SARDH: variants seen among roughly 807,000 people sequenced by gnomAD.
The protein encoded by SARDH is sarcosine dehydrogenase, mitochondrial.
SARDH carries 95 observed loss-of-function variants against 109.1 expected under a neutral mutation model. The observed-to-expected ratio is 0.87, with a 90% CI of 0.74 to 1.03. The LOEUF (loss-of-function observed/expected upper bound fraction) is 1.03. SARDH is among the 50% of genes least tolerant of loss of function. SARDH has a pLI of 0.00. For synonymous variants in SARDH, 572 were observed against 534.8 expected (o/e 1.07, Z -0.96); for missense variants, 1,267 against 1,287.8 (o/e 0.98, Z 0.25).
At chr9:133,696,469 C>T (rs567876167) in intron 13 of SARDH, 108 bp from the exon 14 acceptor site, 49 of 1,391,248 alleles carry the variant, frequency 3.5e-5, no homozygotes, top group Non-Finnish European at 4.9e-5. Flanking sequence ...TACTGAGCCT[C>T]CCCTCCCTCT....
rs528161355 is a variant in SARDH at position 133,693,113 on chromosome 9, C to T, written c.1921+1145G>A. Reference sequence around the variant, plus strand: ...CCGGTCTTCATTTTTCCTCTTGACCCATCTAACATCCTACACCTTCCACTT... The same window carrying T: ...CCGGTCTTCATTTTTCCTCTTGACCTATCTAACATCCTACACCTTCCACTT... On this transcript the variant is annotated intron_variant, in intron 15 of 20. Coordinates refer to ENST00000439388, the MANE Select transcript of SARDH (RefSeq NM_001134707.2). The surrounding 1 kb of genome is among the most constrained non-coding windows in gnomAD (Gnocchi z 5.6). Among the ~76,000 whole-genome samples the T allele has an allele frequency of 2.0e-5, 3 of 152,060 alleles. No homozygotes were observed. In the East Asian group the frequency reaches 5.8e-4, roughly 29 times the overall value.
chr9:133,681,261 C>T (rs912739372), intron 17 of SARDH, among the ~76,000 whole-genome samples: 10 of 152,188 alleles, frequency 6.6e-5, no homozygotes, highest in Admixed American at 4.6e-4. Flanking sequence ...GCTCCCGGCT[C>T]GTCCACAGGC....
rs143746373 is a variant in SARDH, at chr9:133,709,582, C to T, written c.1329-1154G>A. On this transcript the variant is annotated intron_variant, in intron 10 of 20. Transcript: ENST00000439388. This position sits in a 1 kb window ranked among gnomAD's most constrained non-coding sequence, Gnocchi z 4.2. ...TGTCAGGGCTGATTCTTAGTCTGCA[C>T]GTAATTCTAGCAAGCAGAATTTTCT... is the stretch of plus-strand genomic sequence containing the variant. Among the ~76,000 whole-genome samples, 113 of 152,220 alleles carry T rather than the reference C, an allele frequency of 7.4e-4. No individual in the cohort carries two copies. The highest frequency in any genetic ancestry group is 1.3e-3 in the African/African-American group (53 of 41,538).
intron 6 of SARDH, among the ~76,000 whole-genome samples, chr9:133,724,855 G>T (rs1832435774): frequency 6.6e-6 from 1 of 152,048 alleles, no homozygotes; most frequent in South Asian, 2.1e-4. Context: ...GTTGGATTTT[G>T]GAGCATTTTG....
At position 133,702,583 on chromosome 9, in the gene SARDH, G is replaced by A. The variant is rs565720445; in HGVS notation, c.1668+333C>T. Among the ~76,000 whole-genome samples, 7 of 152,288 alleles carry A rather than the reference G, an allele frequency of 4.6e-5. No individual in the cohort carries two copies. The East Asian group carries it at 1.2e-3, about 25-fold the overall frequency. ...CACCACGTCTCATGCCAGCCTCGGCGCAGCTCCGGAGAGCGGGAGGCGGAG... is the reference window on the plus strand; with the variant it reads ...CACCACGTCTCATGCCAGCCTCGGCACAGCTCCGGAGAGCGGGAGGCGGAG... On this transcript the variant is annotated intron_variant, in intron 13 of 20. Transcript: ENST00000439388.
Position 133,667,858 on chromosome 9 carries a change from G to A in SARDH, c.2496-988C>T, listed in dbSNP as rs1014442333. ...ACCCTAGTTTCTGTTCTCCACGTGA[G>A]GACGCTGAGGCCCCAACTGCCCGGA... On this transcript the variant is annotated intron_variant, in intron 19 of 20. Transcript: ENST00000439388. 2.6e-5 allele frequency among the ~76,000 whole-genome samples: 4 copies of A among 152,134 alleles called. 1 individual carries two copies. The highest frequency in any genetic ancestry group is 1.5e-5 in the Non-Finnish European group (1 of 68,028).
intron 1 of SARDH, among the ~76,000 whole-genome samples, 177 bp from the exon 2 acceptor site, chr9:133,734,380 C>T (rs1002095436): frequency 1.3e-5 from 2 of 149,514 alleles, no homozygotes; most frequent in African/African-American, 5.1e-5. Flanking sequence ...CATTCATTCA[C>T]TCATTCATTC....
chr9:133,700,555 G>T (rs910791720), intron 13 of SARDH, among the ~76,000 whole-genome samples: 1 of 152,070 alleles, frequency 6.6e-6, no homozygotes, highest in African/African-American at 2.4e-5. Context: ...GATAGGGTGA[G>T]GTGTGGGGTA....
At chr9:133,698,376 A>G (rs1480671059) in intron 13 of SARDH, among the ~76,000 whole-genome samples, 3 of 152,222 alleles carry the variant, frequency 2.0e-5, no homozygotes, top group Non-Finnish European at 4.4e-5. Flanking sequence ...CACAGTCCCT[A>G]TCAAAATTCT....
chr9:133,685,552 T>G (rs1442731127), intron 16 of SARDH, among the ~76,000 whole-genome samples: 5 of 152,234 alleles, frequency 3.3e-5, no homozygotes, highest in Middle Eastern at 3.4e-3. Context: ...GACTCGCGAT[T>G]CTTAGATGGG....
chr9:133,682,410 T>C (rs1304825432), intron 17 of SARDH, among the ~76,000 whole-genome samples: 1 of 152,198 alleles, frequency 6.6e-6, no homozygotes, highest in Non-Finnish European at 1.5e-5. Context: ...CTGTCAACCC[T>C]GGTTTCTCTG....
upstream of SARDH, among the ~76,000 whole-genome samples, chr9:133,739,124 G>A (rs903025821): frequency 6.6e-6 from 1 of 152,184 alleles, no homozygotes; most frequent in African/African-American, 2.4e-5. Context: ...CAGAGGAGGG[G>A]TGTGGAGGAA....
chr9:133,661,595 C>T (rs1832416063), downstream of SARDH, among the ~76,000 whole-genome samples: 1 of 152,068 alleles, frequency 6.6e-6, no homozygotes, highest in Non-Finnish European at 1.5e-5. Flanking sequence ...AATTCTCCCA[C>T]CTCAGCCTCC....
At chr9:133,669,383 C>T (rs1317069751) in intron 19 of SARDH, among the ~76,000 whole-genome samples, 2 of 142,538 alleles carry the variant, frequency 1.4e-5, no homozygotes, top group Non-Finnish European at 3.0e-5. Flanking sequence ...TTGAAGGCTC[C>T]AGAAATCTGG....
chr9:133,672,758 G>A (rs1479734593), intron 17 of SARDH, among the ~76,000 whole-genome samples: 1 of 152,252 alleles, frequency 6.6e-6, no homozygotes, highest in Non-Finnish European at 1.5e-5. Context: ...CGGAAAGCAA[G>A]ACCCCTGCCT....
intron 14 of SARDH, among the ~76,000 whole-genome samples, chr9:133,694,905 G>A (rs188650212): frequency 2.6e-5 from 4 of 152,266 alleles, no homozygotes; most frequent in Admixed American, 1.3e-4. Context: ...CTGGTGGATG[G>A]GTGGATGCAA....
rs564230320 is a variant in SARDH, at chr9:133,712,556, G to A, written c.1328+63C>T. ...GGCTCCTTTCTCAGTAGCCCTCGCT[G>A]TTTACCCCACGCCACCTGTCCTGAG... On this transcript the variant is annotated intron_variant, in intron 10 of 20. Transcript: ENST00000439388. The surrounding 1 kb of genome is among the most constrained non-coding windows in gnomAD (Gnocchi z 4.1). The A allele has an allele frequency of 3.4e-4, 501 of 1,456,920 alleles. 2 individuals carry two copies. In the African/African-American group the frequency reaches 5.4e-3, roughly 16 times the overall value. 90.2% of individuals were successfully genotyped at this position (1,456,920 alleles called of 1,614,324 possible). A position where few individuals can be genotyped will look rare whatever the true frequency, so the allele number is the denominator to read the frequency against.
chr9:133,663,991 G>T lies in SARDH; in HGVS notation c.2655C>A (p.Ser885Arg). Residue 885 changes from serine to arginine, a missense_variant, in exon 21 of 21, where the codon AGC (serine) becomes AGA (arginine). Physicochemically the swap from Ser to Arg is moderately radical, Grantham distance 110 (BLOSUM62 -1). Coordinates refer to ENST00000439388, the MANE Select transcript of SARDH (RefSeq NM_001134707.2). ...CCATTCTCTCCAGGGCATAGTCCCCGCTCTTCACAAAGTCCAGCGAGACCT... is the reference window on the plus strand; with the variant it reads ...CCATTCTCTCCAGGGCATAGTCCCCTCTCTTCACAAAGTCCAGCGAGACCT... Reference protein sequence around the residue: ...GGPVSLDFVKSGDYALERMGV... With the variant: ...GGPVSLDFVKRGDYALERMGV... The T allele has an allele frequency of 6.2e-7, 1 of 1,614,144 alleles. No individual in the cohort carries two copies. The highest frequency in any genetic ancestry group is 8.5e-7 in the Non-Finnish European group (1 of 1,180,020).
chr9:133,692,718 C>G lies in SARDH; in HGVS notation c.1921+1540G>C, dbSNP rs1222237514. Among the ~76,000 whole-genome samples, 2 of 152,190 alleles carry G rather than the reference C, an allele frequency of 1.3e-5. No homozygotes were observed. Among genetic ancestry groups the G allele is most frequent in the Non-Finnish European group, 2.9e-5 (2 of 68,034 alleles). On this transcript the variant is annotated intron_variant, in intron 15 of 20. Transcript: ENST00000439388. The surrounding 1 kb of genome is among the most constrained non-coding windows in gnomAD (Gnocchi z 5.0). ...ACCGGCCTCCTTCACCTCCTCCCGA[C>G]CCTGGCTACCTGGTGCTTCCACACA... is the stretch of plus-strand genomic sequence containing the variant.
Sources: gnomAD v4.1 joint callset for allele counts (sites outside exome capture counted in the v4.1 genomes callset) on GRCh38, gnomAD v4.1.1 for gene constraint, Gnocchi (gnomAD v3.1) non-coding constraint, MANE v1.5 for transcripts, NCBI Gene and HGNC (gene_info 2026-07-23, HGNC 2026-07-21) for gene names.